Variants in P3H2 observed in about 807,000 individuals in gnomAD.
P3H2 encodes prolyl 3-hydroxylase 2.
Under a neutral mutation model 87.0 loss-of-function variants are expected in P3H2, and 80 were observed. The observed-to-expected ratio is 0.92, with a 90% CI of 0.77 to 1.11. The LOEUF (loss-of-function observed/expected upper bound fraction) is 1.11, where lower values mean the gene tolerates loss of function less well. Among genes scored for constraint, P3H2 ranks in the 50% least tolerant of loss-of-function variants. The pLI, the probability that P3H2 is intolerant of heterozygous loss-of-function variation, is 0.00. For synonymous variants in P3H2, 367 were observed against 359.3 expected (o/e 1.02, Z -0.24); for missense variants, 1,001 against 923.9 (o/e 1.08, Z -1.08).
chr3:189,984,536 C>G lies in P3H2; in HGVS notation c.1229+14G>C. On this transcript the variant is annotated intron_variant, in intron 7 of 14. Coordinates refer to ENST00000319332, the MANE Select transcript of P3H2 (RefSeq NM_018192.4). ...TCCTCATAAAAAACCAGTTTGCATT[C>G]TGAATGGACTTACCGATTCTCATCC... 1.2e-6 allele frequency: 2 copies of G among 1,606,504 alleles called. No homozygotes were observed. The highest frequency in any genetic ancestry group is 1.7e-6 in the Non-Finnish European group (2 of 1,173,464).
rs184919987 is a variant in P3H2, at chr3:190,083,784, A to T, written c.480+36468T>A. 2.1e-3 allele frequency among the ~76,000 whole-genome samples: 316 copies of T among 152,160 alleles called. 1 individual carries two copies. Among genetic ancestry groups the T allele is most frequent in the African/African-American group, 7.2e-3 (299 of 41,512 alleles). On this transcript the variant is annotated intron_variant, in intron 1 of 14. Coordinates refer to ENST00000319332, the MANE Select transcript of P3H2 (RefSeq NM_018192.4). Reference sequence around the variant, plus strand: ...CTTTTGCCAACTGGACCTGAGAGCCACTCTCGGCTACATGAGACAACAGAA... The same window carrying T: ...CTTTTGCCAACTGGACCTGAGAGCCTCTCTCGGCTACATGAGACAACAGAA...
Position 189,988,971 on chromosome 3 carries a change from G to T in P3H2, c.891C>A (p.Arg297=). Residue 297 remains arginine, a synonymous_variant, in exon 4 of 15, where the codon CGC becomes CGA. Transcript: ENST00000319332. ...GAAGAAAATTCTCGATGGGAGAGAG[G>T]CGGCCAGGGCGGGTGGCAAGTTCCC... The part of the protein sequence containing the change: ...CVRELATRPG[R]LSPIENFLPL... 6.2e-7 allele frequency: 1 copy of T among 1,614,054 alleles called. No homozygotes were observed. The highest frequency in any genetic ancestry group is 1.1e-5 in the South Asian group (1 of 91,066).
At chr3:190,103,459 T>C (rs1711711768) in intron 1 of P3H2, among the ~76,000 whole-genome samples, 1 of 152,234 alleles carries the variant, frequency 6.6e-6, no homozygotes. Flanking sequence ...TCTGTGTAAA[T>C]TGGTTTTCCA....
chr3:190,031,832 T>C (rs527753852), intron 1 of P3H2, among the ~76,000 whole-genome samples: 8 of 151,516 alleles, frequency 5.3e-5, no homozygotes, highest in Admixed American at 2.0e-4. Context: ...CTAGAAATAA[T>C]TGATCAGAAC....
At chr3:190,099,581 G>A (rs1197997782) in intron 1 of P3H2, among the ~76,000 whole-genome samples, 2 of 152,184 alleles carry the variant, frequency 1.3e-5, no homozygotes, top group Admixed American at 1.3e-4. Context: ...GAACATGGAT[G>A]TGTTGAACCA....
At position 190,017,696 on chromosome 3, in the gene P3H2, TGTTA is replaced by T. The variant is rs557263975; in HGVS notation, c.481-22258_481-22255del. ...TGAGTATGGCTGATGCTGCAGCCCTTGTTAGTTAGTCTTGGAGAAGGAGCAAACA... is the reference window on the plus strand; with the variant it reads ...TGAGTATGGCTGATGCTGCAGCCCTTGTTAGTCTTGGAGAAGGAGCAAACA... On this transcript the variant is annotated intron_variant, in intron 1 of 14. Coordinates refer to ENST00000319332, the MANE Select transcript of P3H2 (RefSeq NM_018192.4). 3.8e-3 allele frequency among the ~76,000 whole-genome samples: 581 copies of T among 152,334 alleles called. 4 individuals are homozygous for T. Among genetic ancestry groups the T allele is most frequent in the African/African-American group, 0.013 (546 of 41,576 alleles).
At chr3:190,055,911 T>C (rs1726138427) in intron 1 of P3H2, among the ~76,000 whole-genome samples, 1 of 152,230 alleles carries the variant, frequency 6.6e-6, no homozygotes, top group Non-Finnish European at 1.5e-5. Context: ...ACTTGTACTA[T>C]GGACTGTTCG....
intron 13 of P3H2, among the ~76,000 whole-genome samples, chr3:189,968,795 C>A (rs59649266): frequency 6.6e-6 from 1 of 151,942 alleles, no homozygotes; most frequent in Non-Finnish European, 1.5e-5. Flanking sequence ...TTCTAACTGG[C>A]GTGAGATGGT....
At chr3:190,036,561 G>T (rs910095713) in intron 1 of P3H2, among the ~76,000 whole-genome samples, 3 of 151,978 alleles carry the variant, frequency 2.0e-5, no homozygotes, top group African/African-American at 7.2e-5. Context: ...TTAACATTGA[G>T]TCTTAAAGGA....
chr3:190,062,869 A>G (rs1288890128), intron 1 of P3H2, among the ~76,000 whole-genome samples: 1 of 152,072 alleles, frequency 6.6e-6, no homozygotes, highest in Non-Finnish European at 1.5e-5. Flanking sequence ...CCCTGGCATA[A>G]TGAACTGGTG....
At chr3:190,023,514 G>GC (rs1724995492) in intron 1 of P3H2, among the ~76,000 whole-genome samples, 1 of 152,160 alleles carries the variant, frequency 6.6e-6, no homozygotes, top group African/African-American at 2.4e-5. Context: ...AGCGGGTAGA[G>GC]CCCCTTATAA....
intron 1 of P3H2, among the ~76,000 whole-genome samples, chr3:190,018,163 T>A (rs1416990703): frequency 6.6e-6 from 1 of 152,176 alleles, no homozygotes; most frequent in Non-Finnish European, 1.5e-5. Flanking sequence ...TATTTTAACA[T>A]CGATTTTAAC....
rs143985056 is a variant in P3H2, at chr3:189,963,671, C to T, written c.2034+287G>A. ...GTTGATCAGGCTGGTCTCGAACTCC[C>T]GACCTCAAGTGATCTGCCCACCTCG... On this transcript the variant is annotated intron_variant, in intron 14 of 14. Transcript: ENST00000319332. 3,513 of 388,160 alleles carry T rather than the reference C, an allele frequency of 9.1e-3. 67 individuals are homozygous for T. The highest frequency in any genetic ancestry group is 0.047 in the African/African-American group (2,333 of 49,122). 24.0% of individuals were successfully genotyped at this position (388,160 alleles called of 1,614,324 possible).
In P3H2 at chr3:190,085,501, C is replaced by T. The variant is rs1727182070; in HGVS notation, c.480+34751G>A. Among the ~76,000 whole-genome samples the T allele has an allele frequency of 2.0e-5, 3 of 152,184 alleles. No homozygotes were observed. In the South Asian group the frequency reaches 6.2e-4, roughly 32 times the overall value. On this transcript the variant is annotated intron_variant, in intron 1 of 14. Transcript: ENST00000319332. ...CATGTGCTTGCACAAATTATCTAAG[C>T]ATTTGCAGCTCCACACAGTCTGATC... is the stretch of plus-strand genomic sequence containing the variant.
chr3:190,073,428 C>T (rs1171374349), intron 1 of P3H2, among the ~76,000 whole-genome samples: 1 of 152,166 alleles, frequency 6.6e-6, no homozygotes, highest in Non-Finnish European at 1.5e-5. Context: ...GAGCCATAAA[C>T]AATCTGCTTG....
At chr3:190,034,488 T>C (rs950408412) in intron 1 of P3H2, among the ~76,000 whole-genome samples, 1 of 152,234 alleles carries the variant, frequency 6.6e-6, no homozygotes, top group Non-Finnish European at 1.5e-5. Flanking sequence ...ATACTCTCCA[T>C]GTGATTTTGG....
chr3:189,966,611 T>G (rs2108905065), intron 13 of P3H2, among the ~76,000 whole-genome samples: 1 of 152,340 alleles, frequency 6.6e-6, no homozygotes, highest in South Asian at 2.1e-4. Flanking sequence ...CAAAAATATG[T>G]TATGAAGTTT....
At chr3:190,086,863 T>C (rs940508826) in intron 1 of P3H2, among the ~76,000 whole-genome samples, 6 of 152,114 alleles carry the variant, frequency 3.9e-5, no homozygotes, top group Admixed American at 2.0e-4. Flanking sequence ...CCCCAAAAGA[T>C]TGCACCATTT....
Position 190,052,337 on chromosome 3 carries a change from C to T in P3H2, c.481-56895G>A, listed in dbSNP as rs143283756. Among the ~76,000 whole-genome samples, 72 of 152,194 alleles carry T rather than the reference C, an allele frequency of 4.7e-4. No individual in the cohort carries two copies. The East Asian group carries it at 0.012, about 25-fold the overall frequency. On this transcript the variant is annotated intron_variant, in intron 1 of 14. Coordinates refer to ENST00000319332, the MANE Select transcript of P3H2 (RefSeq NM_018192.4). ...GCTCCCACTTATGAGTGAGAACATG[C>T]AGTGTTTGGTTTTCTGTTCCTGTAT...
Sources: allele counts gnomAD v4.1 joint callset (sites outside exome capture counted in the v4.1 genomes callset), GRCh38; gene constraint gnomAD v4.1.1; transcripts MANE v1.5; gene names NCBI Gene and HGNC (gene_info 2026-07-23, HGNC 2026-07-21).